Variants in LRRC4C observed in about 807,000 individuals in gnomAD.
The protein encoded by LRRC4C is leucine rich repeat containing 4C.
Under a neutral mutation model 33.6 loss-of-function variants are expected in LRRC4C, and 5 were observed. That is an observed-to-expected ratio of 0.15 (90% CI 0.08 to 0.31). The LOEUF is 0.31. Ranked by LOEUF, LRRC4C falls within the 10% of genes least tolerant of loss-of-function variation. The pLI is 1.00. For synonymous variants in LRRC4C, 329 were observed against 302.0 expected, an observed-to-expected ratio of 1.09 and a Z score of -0.93; for missense variants, 560 against 796.7, an observed-to-expected ratio of 0.70 and a Z score of 3.58.
intron 2 of LRRC4C, among the ~76,000 whole-genome samples, chr11:40,775,754 G>C (rs1949966519): frequency 6.6e-6 from 1 of 152,068 alleles, no homozygotes; most frequent in Non-Finnish European, 1.5e-5. Context: ...TTTTCTATTT[G>C]GATGTCTTTT....
At chr11:40,469,491 T>C (rs1489447580) in intron 3 of LRRC4C, among the ~76,000 whole-genome samples, 2 of 152,082 alleles carry the variant, frequency 1.3e-5, no homozygotes, top group Non-Finnish European at 2.9e-5. Context: ...CAGGAATTTT[T>C]TGTCATGCCC....
chr11:40,164,468 C>T (rs1323062736), intron 5 of LRRC4C, among the ~76,000 whole-genome samples: 1 of 152,096 alleles, frequency 6.6e-6, no homozygotes, highest in Non-Finnish European at 1.5e-5. Flanking sequence ...GTCTCCTGAC[C>T]TCAGGTGATC....
At chr11:40,932,973 C>T (rs2136482169) in intron 2 of LRRC4C, among the ~76,000 whole-genome samples, 1 of 152,144 alleles carries the variant, frequency 6.6e-6, no homozygotes, top group South Asian at 2.1e-4. Context: ...ATCAATTATA[C>T]AAATAAATAT....
At chr11:40,122,526 T>C (rs1236839746) in intron 6 of LRRC4C, among the ~76,000 whole-genome samples, 1 of 152,120 alleles carries the variant, frequency 6.6e-6, no homozygotes, top group Non-Finnish European at 1.5e-5. Flanking sequence ...TCTGTTCCTA[T>C]GTCAGTCAAA....
intron 3 of LRRC4C, among the ~76,000 whole-genome samples, chr11:40,329,995 C>G (rs1010290531): frequency 1.8e-4 from 28 of 152,208 alleles, no homozygotes; most frequent in African/African-American, 6.7e-4. Context: ...CCCACTTCGG[C>G]CTCCCAAAGT....
chr11:41,409,265 A>C (rs559027460), intron 1 of LRRC4C, among the ~76,000 whole-genome samples: 1 of 152,242 alleles, frequency 6.6e-6, no homozygotes, highest in Non-Finnish European at 1.5e-5. Flanking sequence ...TACCAATTAA[A>C]GTATGGCTTA....
rs549350515 is a variant in LRRC4C at position 40,787,840 on chromosome 11, G to A, written c.-406-139562C>T. ...ATTTAGAAAATTATCCTTTATGCTT[G>A]CCCAGTGATTTCAAAGAAAGAATGA... On this transcript the variant is annotated intron_variant, in intron 2 of 6. Coordinates refer to ENST00000528697, the MANE Select transcript of LRRC4C (RefSeq NM_001258419.2). Among the ~76,000 whole-genome samples, 7 of 152,162 alleles carry A rather than the reference G, an allele frequency of 4.6e-5. No homozygotes were observed. In the South Asian group the frequency reaches 1.0e-3, roughly 23 times the overall value.
intron 1 of LRRC4C, among the ~76,000 whole-genome samples, chr11:41,378,411 G>GTT (rs1490897382): frequency 2.0e-5 from 3 of 152,096 alleles, no homozygotes; most frequent in African/African-American, 7.2e-5. Flanking sequence ...ACAAGGTATT[G>GTT]CATTAATTTT....
chr11:40,219,050 A>T (rs1400278490), intron 5 of LRRC4C, among the ~76,000 whole-genome samples: 1 of 152,104 alleles, frequency 6.6e-6, no homozygotes, highest in Non-Finnish European at 1.5e-5. Context: ...AATTGCAATC[A>T]CTTTTCTATG....
chr11:41,412,389 T>C (rs1183239145), intron 1 of LRRC4C, among the ~76,000 whole-genome samples: 1 of 152,208 alleles, frequency 6.6e-6, no homozygotes, highest in African/African-American at 2.4e-5. Context: ...ATCAATTAAC[T>C]TATGGTACAA....
At chr11:41,085,729 T>C (rs1939923464) in intron 1 of LRRC4C, among the ~76,000 whole-genome samples, 1 of 151,794 alleles carries the variant, frequency 6.6e-6, no homozygotes, top group Non-Finnish European at 1.5e-5. Context: ...ATTAGCAAAA[T>C]ATCAGTTCAA....
chr11:41,093,702 C>T (rs1940593559), intron 1 of LRRC4C, among the ~76,000 whole-genome samples: 1 of 151,918 alleles, frequency 6.6e-6, no homozygotes, highest in South Asian at 2.1e-4. Flanking sequence ...ATTCTGGAAA[C>T]ATTATGGCCA....
chr11:40,437,455 A>T (rs1951190316), intron 3 of LRRC4C, among the ~76,000 whole-genome samples: 1 of 150,694 alleles, frequency 6.6e-6, no homozygotes, highest in Admixed American at 6.6e-5. Flanking sequence ...GTGCAGTGGC[A>T]CAATCCCGGC....
chr11:40,623,717 A>G (rs1004859935), intron 3 of LRRC4C, among the ~76,000 whole-genome samples: 3 of 152,104 alleles, frequency 2.0e-5, no homozygotes, highest in African/African-American at 4.8e-5. Context: ...CTGAGCATGA[A>G]TAACATACAA....
chr11:40,533,690 C>T (rs894109880), intron 3 of LRRC4C, among the ~76,000 whole-genome samples: 2 of 152,132 alleles, frequency 1.3e-5, no homozygotes, highest in Non-Finnish European at 2.9e-5. Flanking sequence ...GAAGCTATCT[C>T]AACGTCAATC....
chr11:40,122,582 C>T (rs1855902709), intron 6 of LRRC4C, among the ~76,000 whole-genome samples: 1 of 152,144 alleles, frequency 6.6e-6, no homozygotes, highest in Non-Finnish European at 1.5e-5. Flanking sequence ...CAGCTCCACT[C>T]ACAGACAGTG....
intron 1 of LRRC4C, among the ~76,000 whole-genome samples, chr11:41,267,410 A>C (rs1462702465): frequency 6.6e-6 from 1 of 152,128 alleles, no homozygotes; most frequent in African/African-American, 2.4e-5. Flanking sequence ...TAGAGAAATG[A>C]CAATCTCTCA....
intron 2 of LRRC4C, among the ~76,000 whole-genome samples, chr11:40,739,053 G>C (rs1948032489): frequency 6.8e-6 from 1 of 147,414 alleles, no homozygotes; most frequent in African/African-American, 2.5e-5. Flanking sequence ...GTGTGTGTGT[G>C]GTGAGAAGAT....
chr11:40,960,743 C>A (rs1428173935), intron 1 of LRRC4C, among the ~76,000 whole-genome samples: 3 of 151,628 alleles, frequency 2.0e-5, no homozygotes, highest in African/African-American at 7.3e-5. Context: ...GATTCTGAAA[C>A]TTGGCTGTTT....
Sources: allele counts gnomAD v4.1 joint callset (sites outside exome capture counted in the v4.1 genomes callset), GRCh38; gene constraint gnomAD v4.1.1; transcripts MANE v1.5; gene names NCBI Gene and HGNC (gene_info 2026-07-23, HGNC 2026-07-21).